Variants in SCHIP1 observed in about 807,000 individuals in gnomAD.
The protein encoded by SCHIP1 is schwannomin-interacting protein 1.
Under a neutral mutation model 29.7 loss-of-function variants are expected in SCHIP1, and 8 were observed. The ratio of observed to expected loss-of-function variants is 0.27; its 90% CI spans 0.16 to 0.49. The LOEUF (loss-of-function observed/expected upper bound fraction) is 0.49, where lower values mean the gene tolerates loss of function less well. SCHIP1 is among the 20% of genes least tolerant of loss of function. The pLI is 0.99. For missense variants in SCHIP1, 193 were observed against 294.6 expected, an observed-to-expected ratio of 0.66 and a Z score of 2.52; for synonymous variants, 76 against 94.9, an observed-to-expected ratio of 0.80 and a Z score of 1.16.
At chr3:159,696,104 T>C in the SCHIP1 span, among the ~76,000 whole-genome samples, 1 of 152,168 alleles carries the variant, frequency 6.6e-6, no homozygotes, top group Admixed American at 6.5e-5. Context: ...TTCCAAAGCA[T>C]ATGTCACTTC....
chr3:159,473,674 G>GAAAAAAAAAAAAAAAAAAAAAAAAAAAA, the SCHIP1 span, among the ~76,000 whole-genome samples: 1 of 81,446 alleles, frequency 1.2e-5, no homozygotes, highest in African/African-American at 4.7e-5. Flanking sequence ...ATGTAACTAC[G>GAAAAAAAAAAAAAAAAAAAAAAAAAAAA]AAAAAAAAAA....
At chr3:159,288,643 CAGG>C in the SCHIP1 span, among the ~76,000 whole-genome samples, 1 of 152,184 alleles carries the variant, frequency 6.6e-6, no homozygotes, top group East Asian at 1.9e-4. Context: ...AAGGCTGAGG[CAGG>C]AGAATTGCTT....
chr3:159,742,588 C>T, the SCHIP1 span, among the ~76,000 whole-genome samples: 1,292 of 152,230 alleles, frequency 8.5e-3, 19 homozygotes, highest in African/African-American at 0.029. Context: ...GAAGGGACAA[C>T]CATGAGACCA....
the SCHIP1 span, among the ~76,000 whole-genome samples, chr3:159,393,173 T>A: frequency 8.8e-4 from 134 of 152,352 alleles, no homozygotes; most frequent in African/African-American, 3.2e-3. Flanking sequence ...TGTTTTTTTC[T>A]TGTAAATTTG....
the SCHIP1 span, among the ~76,000 whole-genome samples, chr3:159,649,812 A>G: frequency 6.6e-6 from 1 of 152,288 alleles, no homozygotes; most frequent in Admixed American, 6.5e-5. Context: ...AAATATGTAT[A>G]TGTATAAAAG....
the SCHIP1 span, among the ~76,000 whole-genome samples, chr3:159,791,471 G>A: frequency 2.6e-5 from 4 of 152,360 alleles, no homozygotes; most frequent in South Asian, 2.1e-4. Flanking sequence ...CCCTCAGGGA[G>A]GGGAGACAGA....
chr3:159,594,471 A>G, the SCHIP1 span, among the ~76,000 whole-genome samples: 31,167 of 152,146 alleles, frequency 0.2, 8,695 homozygotes, highest in African/African-American at 0.63. Context: ...GTAACATATG[A>G]CACTTGAAAT....
chr3:159,820,113 C>T, the SCHIP1 span, among the ~76,000 whole-genome samples: 2 of 152,188 alleles, frequency 1.3e-5, no homozygotes, highest in Admixed American at 1.3e-4. Context: ...GCTCACACAC[C>T]TGGCAACCAG....
chr3:159,680,730 A>ATACAT, the SCHIP1 span, among the ~76,000 whole-genome samples: 1 of 74,024 alleles, frequency 1.4e-5, no homozygotes. Context: ...GTATATATAT[A>ATACAT]ATATACATAT....
chr3:159,333,496 C>G, the SCHIP1 span, among the ~76,000 whole-genome samples: 1 of 145,198 alleles, frequency 6.9e-6, no homozygotes, highest in Non-Finnish European at 1.5e-5. Context: ...TTAGCAATTT[C>G]ACACACATAC....
chr3:159,851,660 CT>C (rs1411237863), intron 1 of SCHIP1, among the ~76,000 whole-genome samples: 1 of 152,204 alleles, frequency 6.6e-6, no homozygotes, highest in African/African-American at 2.4e-5. Flanking sequence ...CTAGAGCATA[CT>C]TTAACCCCAA....
At chr3:159,529,485 T>C in the SCHIP1 span, among the ~76,000 whole-genome samples, 1 of 152,150 alleles carries the variant, frequency 6.6e-6, no homozygotes, top group Non-Finnish European at 1.5e-5. Context: ...AAGTTATGGA[T>C]ACATAATAGT....
chr3:159,547,726 G>C, the SCHIP1 span, among the ~76,000 whole-genome samples: 6 of 152,142 alleles, frequency 3.9e-5, no homozygotes, highest in Non-Finnish European at 8.8e-5. Context: ...TTGTAGATGT[G>C]TGGTGTTATT....
the SCHIP1 span, among the ~76,000 whole-genome samples, chr3:159,525,249 G>A: frequency 4.6e-5 from 7 of 152,132 alleles, no homozygotes; most frequent in Non-Finnish European, 7.3e-5. Flanking sequence ...TCTAATACAC[G>A]ATATTTCTCA....
chr3:159,720,371 AC>A, the SCHIP1 span, among the ~76,000 whole-genome samples: 20 of 152,046 alleles, frequency 1.3e-4, no homozygotes, highest in African/African-American at 3.6e-4. Flanking sequence ...GCACCCTAGA[AC>A]TTAAAGTATA....
chr3:159,845,551 T>G (rs1214185964), intron 1 of SCHIP1: 1 of 151,982 alleles, frequency 6.6e-6, no homozygotes, highest in African/African-American at 2.4e-5. Flanking sequence ...CAGCTAATTT[T>G]CTGTATTTTT....
chr3:159,703,902 C>G, the SCHIP1 span, among the ~76,000 whole-genome samples: 4 of 152,120 alleles, frequency 2.6e-5, no homozygotes, highest in Non-Finnish European at 5.9e-5. Flanking sequence ...TGGTAAACTC[C>G]CTCTCATCCC....
At chr3:159,623,867 T>C in the SCHIP1 span, among the ~76,000 whole-genome samples, 1 of 152,144 alleles carries the variant, frequency 6.6e-6, no homozygotes, top group Non-Finnish European at 1.5e-5. Context: ...CACGTTTTCT[T>C]TCTCTCACAA....
At chr3:159,440,292 A>G in the SCHIP1 span, among the ~76,000 whole-genome samples, 2 of 152,138 alleles carry the variant, frequency 1.3e-5, no homozygotes, top group Admixed American at 1.3e-4. Flanking sequence ...TACCAGTACC[A>G]TGCTGCTTTG....
Sources: gnomAD v4.1 joint callset for allele counts (sites outside exome capture counted in the v4.1 genomes callset) on GRCh38, gnomAD v4.1.1 for gene constraint, MANE v1.5 for transcripts, NCBI Gene and HGNC (gene_info 2026-07-23, HGNC 2026-07-21) for gene names.